Variants in RBFOX1 observed in about 807,000 individuals in gnomAD.
RBFOX1 encodes the protein RNA binding protein fox-1 homolog 1.
RBFOX1 carries 8 observed loss-of-function variants against 57.7 expected under a neutral mutation model. That is an observed-to-expected ratio of 0.14 (90% CI 0.08 to 0.25). RBFOX1 has a LOEUF of 0.25. Ranked by LOEUF, RBFOX1 falls within the 10% of genes least tolerant of loss-of-function variation. The probability of loss-of-function intolerance (pLI) is 1.00; values close to 1 mark genes in which losing one functional copy is unlikely to be tolerated. For missense variants in RBFOX1, 611 were observed against 548.5 expected (o/e 1.11, Z -1.14); for synonymous variants, 326 against 222.4 (o/e 1.47, Z -4.15).
chr16:5,480,521 T>C (rs1194603911), intron 2 of RBFOX1, among the ~76,000 whole-genome samples: 3 of 152,162 alleles, frequency 2.0e-5, no homozygotes, highest in Non-Finnish European at 4.4e-5. Context: ...GATTAGACAA[T>C]TCAAATGGTA....
intron 2 of RBFOX1, among the ~76,000 whole-genome samples, chr16:5,523,965 C>A (rs891724528): frequency 6.6e-6 from 1 of 152,146 alleles, no homozygotes; most frequent in African/African-American, 2.4e-5. Context: ...CTTGCCTCCT[C>A]CCGGCCCAGG....
chr16:6,549,679 G>T (rs76892929), intron 2 of RBFOX1, among the ~76,000 whole-genome samples: 1 of 152,004 alleles, frequency 6.6e-6, no homozygotes, highest in African/African-American at 2.4e-5. Context: ...ATCCCTAGAC[G>T]ATAGGGCTGG....
chr16:6,660,921 G>T (rs1425113078), intron 3 of RBFOX1, among the ~76,000 whole-genome samples: 1 of 152,126 alleles, frequency 6.6e-6, no homozygotes, highest in South Asian at 2.1e-4. Flanking sequence ...AAAGGAAGAG[G>T]ATCCTTGGTG....
At chr16:5,567,590 G>C (rs2046115730) in intron 2 of RBFOX1, among the ~76,000 whole-genome samples, 1 of 133,606 alleles carries the variant, frequency 7.5e-6, no homozygotes, top group Non-Finnish European at 1.5e-5. Flanking sequence ...GTGAATGGAG[G>C]AGAAGCCAGC....
intron 4 of RBFOX1, among the ~76,000 whole-genome samples, chr16:7,151,428 C>G (rs1462040349): frequency 2.0e-5 from 3 of 152,238 alleles, no homozygotes; most frequent in East Asian, 3.9e-4. Flanking sequence ...ACTAATGTCA[C>G]TAATGTCTTT....
At chr16:6,668,900 G>T (rs902156984) in intron 3 of RBFOX1, among the ~76,000 whole-genome samples, 7 of 152,184 alleles carry the variant, frequency 4.6e-5, no homozygotes, top group African/African-American at 1.7e-4. Flanking sequence ...CAAGCACAGA[G>T]CTATTTTTCA....
chr16:5,579,628 G>A lies in RBFOX1; in HGVS notation c.259-19274G>A, dbSNP rs1007333962. Among the ~76,000 whole-genome samples, 33 of 152,108 alleles carry A rather than the reference G, an allele frequency of 2.2e-4. 1 individual carries two copies. The highest frequency in any genetic ancestry group is 4.0e-4 in the Non-Finnish European group (27 of 68,028). On this transcript the variant is annotated intron_variant, in intron 2 of 2. Transcript: ENST00000585867. ...CCGTTTTGCTGGAGCTGCTCCTTCT[G>A]CCAACTCCTGCCATTCTTAGGGGAA... is the stretch of plus-strand genomic sequence containing the variant.
chr16:5,258,880 C>T (rs956376214), intron 1 of RBFOX1, among the ~76,000 whole-genome samples: 7 of 151,798 alleles, frequency 4.6e-5, no homozygotes, highest in African/African-American at 1.7e-4. Flanking sequence ...TGCACCACTG[C>T]ACACCAGCCT....
chr16:7,469,256 G>T (rs2061105823), intron 4 of RBFOX1, among the ~76,000 whole-genome samples: 1 of 151,888 alleles, frequency 6.6e-6, no homozygotes, highest in Admixed American at 6.6e-5. Context: ...TAGAGACAGG[G>T]TTTCACCATG....
intron 3 of RBFOX1, among the ~76,000 whole-genome samples, chr16:6,782,032 G>T (rs751170485): frequency 9.2e-5 from 14 of 151,934 alleles, no homozygotes; most frequent in Non-Finnish European, 1.9e-4. Flanking sequence ...TTTTTATACG[G>T]AGCCTTGCTC....
chr16:7,485,809 C>G (rs1329523480), intron 4 of RBFOX1, among the ~76,000 whole-genome samples: 1 of 152,152 alleles, frequency 6.6e-6, no homozygotes, highest in African/African-American at 2.4e-5. Context: ...TCTCCGAGTC[C>G]ACTTGGCATT....
chr16:5,330,129 G>A (rs2064708390), intron 1 of RBFOX1, among the ~76,000 whole-genome samples: 1 of 152,124 alleles, frequency 6.6e-6, no homozygotes. Context: ...TTATTTCCTA[G>A]GGGCCACACC....
chr16:5,737,785 G>C (rs1052331716), intron 3 of RBFOX1, among the ~76,000 whole-genome samples: 1 of 151,984 alleles, frequency 6.6e-6, no homozygotes, highest in Non-Finnish European at 1.5e-5. Context: ...ATGACATGGA[G>C]TAATGTCTGA....
At chr16:5,639,360 A>G (rs181033676) in intron 3 of RBFOX1, among the ~76,000 whole-genome samples, 5 of 152,140 alleles carry the variant, frequency 3.3e-5, no homozygotes, top group African/African-American at 1.2e-4. Context: ...CCACAGTTGT[A>G]TTTTATTTTG....
intron 2 of RBFOX1, among the ~76,000 whole-genome samples, chr16:6,450,768 T>TATATATATATACATATAC: frequency 5.5e-5 from 1 of 18,034 alleles, no homozygotes; most frequent in East Asian, 5.0e-3. Flanking sequence ...TATATATGTG[T>TATATATATATACATATAC]ATATATATAT....
chr16:5,678,351 T>G (rs2050227342), intron 3 of RBFOX1, among the ~76,000 whole-genome samples: 1 of 152,248 alleles, frequency 6.6e-6, no homozygotes, highest in South Asian at 2.1e-4. Flanking sequence ...TGTTGCAATT[T>G]GTTGAACAAA....
At chr16:5,308,807 G>T (rs1156332705) in intron 1 of RBFOX1, among the ~76,000 whole-genome samples, 1 of 151,112 alleles carries the variant, frequency 6.6e-6, no homozygotes, top group Non-Finnish European at 1.5e-5. Context: ...TTCCTCTCTT[G>T]TGTCTTTTTC....
In RBFOX1 at chr16:5,739,829, G is replaced by A. The variant is rs577111452; in HGVS notation, c.319-127474G>A. On this transcript the variant is annotated intron_variant, in intron 3 of 19. Transcript: ENST00000641259. ...TCTCCATCTGCACGTGTCTGTCTGT[G>A]ACTTTGCCATTTGAGCAAGCTTCAT... 2.0e-5 allele frequency among the ~76,000 whole-genome samples: 3 copies of A among 152,348 alleles called. No homozygotes were observed. In the South Asian group the frequency reaches 6.2e-4, roughly 32 times the overall value.
chr16:7,228,455 G>A (rs1013447559), intron 4 of RBFOX1, among the ~76,000 whole-genome samples: 2 of 152,134 alleles, frequency 1.3e-5, no homozygotes, highest in Admixed American at 6.5e-5. Flanking sequence ...CTACTATGTG[G>A]CTATTCTAAA....
Sources: gnomAD v4.1 joint callset for allele counts (sites outside exome capture counted in the v4.1 genomes callset) on GRCh38, gnomAD v4.1.1 for gene constraint, MANE v1.5 for transcripts, NCBI Gene and HGNC (gene_info 2026-07-23, HGNC 2026-07-21) for gene names.